Variants in TSPAN9 observed in about 807,000 individuals in gnomAD.
TSPAN9 encodes tetraspanin-9.
TSPAN9 carries 16 observed loss-of-function variants against 31.0 expected under a neutral mutation model. The ratio of observed to expected loss-of-function variants is 0.52; its 90% CI spans 0.35 to 0.78. TSPAN9 has a LOEUF of 0.78. TSPAN9 is among the 30% of genes least tolerant of loss of function. The pLI is 0.01. For synonymous variants in TSPAN9, 145 were observed against 121.6 expected (o/e 1.19, Z -1.27); for missense variants, 272 against 312.5 (o/e 0.87, Z 0.98).
chr12:3,233,285 A>C (rs148832201), intron 3 of TSPAN9, among the ~76,000 whole-genome samples: 23 of 152,364 alleles, frequency 1.5e-4, no homozygotes, highest in African/African-American at 5.5e-4. Flanking sequence ...TAAATACAAA[A>C]GAATACATGT....
intron 2 of TSPAN9, among the ~76,000 whole-genome samples, chr12:3,120,332 C>CCTGG (rs1397464542): frequency 6.6e-6 from 1 of 152,140 alleles, no homozygotes; most frequent in East Asian, 1.9e-4. Flanking sequence ...CTCTTTGGAA[C>CCTGG]CTGGCTGATT....
chr12:3,282,788 G>A (rs866736444), intron 8 of TSPAN9, among the ~76,000 whole-genome samples: 11 of 152,218 alleles, frequency 7.2e-5, no homozygotes, highest in African/African-American at 1.7e-4. Context: ...GTAGGCACAC[G>A]TATGCATCCT....
chr12:3,119,897 G>T (rs1479069749), intron 2 of TSPAN9, among the ~76,000 whole-genome samples: 1 of 152,100 alleles, frequency 6.6e-6, no homozygotes, highest in Non-Finnish European at 1.5e-5. Flanking sequence ...GGGCCTGGCC[G>T]CCAGCGCCCC....
intron 2 of TSPAN9, among the ~76,000 whole-genome samples, chr12:3,127,061 G>C (rs1452467319): frequency 3.3e-5 from 5 of 151,768 alleles, no homozygotes; most frequent in African/African-American, 1.2e-4. Flanking sequence ...AGGCTTGGTA[G>C]CATGTCCAAC....
intron 3 of TSPAN9, among the ~76,000 whole-genome samples, chr12:3,208,323 A>AT (rs2098376392): frequency 6.6e-6 from 1 of 152,020 alleles, no homozygotes; most frequent in African/African-American, 2.4e-5. Context: ...TGGGAGGGCC[A>AT]GGGGGGTTTC....
chr12:3,281,146 G>A, intron 6 of TSPAN9, 52 bp from the exon 7 acceptor site: 1 of 1,548,086 alleles, frequency 6.5e-7, no homozygotes, highest in South Asian at 1.2e-5. Context: ...CCCTGGGGAG[G>A]AAGGGGCGGG....
intron 3 of TSPAN9, among the ~76,000 whole-genome samples, chr12:3,260,571 C>T (rs150121417): frequency 6.6e-6 from 1 of 152,220 alleles, no homozygotes; most frequent in Non-Finnish European, 1.5e-5. Flanking sequence ...CTCTCGGGAT[C>T]CTACTCTACG....
At position 3,147,729 on chromosome 12, in the gene TSPAN9, G is replaced by T. The variant is rs2098337922; in HGVS notation, c.-17-53448G>T. On this transcript the variant is annotated intron_variant, in intron 2 of 8. Coordinates refer to ENST00000011898, the MANE Select transcript of TSPAN9 (RefSeq NM_006675.5). The surrounding 1 kb of genome is among the most constrained non-coding windows in gnomAD (Gnocchi z 4.3). Reference sequence around the variant, plus strand: ...GTTTTAACTTAAAATGGAAATGTAGGTGGCCACATGTTGCTAGTGGCTGCC... The same window carrying T: ...GTTTTAACTTAAAATGGAAATGTAGTTGGCCACATGTTGCTAGTGGCTGCC... Among the ~76,000 whole-genome samples, 1 of 152,314 alleles carries T rather than the reference G, an allele frequency of 6.6e-6. No individual in the cohort carries two copies. Among genetic ancestry groups the T allele is most frequent in the South Asian group, 2.1e-4 (1 of 4,826 alleles).
At chr12:3,199,166 G>A (rs2098369671) in intron 2 of TSPAN9, among the ~76,000 whole-genome samples, 2 of 152,184 alleles carry the variant, frequency 1.3e-5, no homozygotes, top group African/African-American at 4.8e-5. Context: ...GATCCAGGGA[G>A]GACTTTTCAC....
chr12:3,181,546 T>C (rs1262919438), intron 2 of TSPAN9, among the ~76,000 whole-genome samples: 1 of 152,178 alleles, frequency 6.6e-6, no homozygotes, highest in Non-Finnish European at 1.5e-5. Context: ...CAAGGCTGCC[T>C]GGTGACCTCT....
chr12:3,202,401 A>C (rs1159519172), intron 3 of TSPAN9, among the ~76,000 whole-genome samples: 1 of 152,168 alleles, frequency 6.6e-6, no homozygotes, highest in Non-Finnish European at 1.5e-5. Flanking sequence ...TTTTGTGTGG[A>C]GTGATCCACA....
At chr12:3,248,376 T>A (rs977863316) in intron 3 of TSPAN9, among the ~76,000 whole-genome samples, 1 of 152,214 alleles carries the variant, frequency 6.6e-6, no homozygotes, top group South Asian at 2.1e-4. Flanking sequence ...TTGGGGCTGC[T>A]GCTGTTTCTT....
chr12:3,092,121 A>G (rs1465642482), intron 2 of TSPAN9, among the ~76,000 whole-genome samples: 2 of 152,190 alleles, frequency 1.3e-5, no homozygotes, highest in African/African-American at 4.8e-5. Context: ...AAAAAACTGG[A>G]TAGAGCTCCT....
chr12:3,114,221 A>G (rs1267934955), intron 2 of TSPAN9, among the ~76,000 whole-genome samples: 2 of 152,212 alleles, frequency 1.3e-5, no homozygotes, highest in Non-Finnish European at 2.9e-5. Flanking sequence ...ACGTAAATGA[A>G]TGCAGCTGTG....
chr12:3,245,573 G>A (rs1328540925), intron 3 of TSPAN9, among the ~76,000 whole-genome samples: 17 of 152,278 alleles, frequency 1.1e-4, no homozygotes. Flanking sequence ...AACTGAGGAG[G>A]GAGAAGCCTG....
In TSPAN9 at chr12:3,243,641, G is replaced by A. The variant is rs531466751; in HGVS notation, c.64-34780G>A. Among the ~76,000 whole-genome samples the A allele has an allele frequency of 7.2e-5, 11 of 152,284 alleles. 1 individual carries two copies. Among genetic ancestry groups the A allele is most frequent in the Admixed American group, 2.0e-4 (3 of 15,302 alleles). ...GAGGTGGAGAAGCAGCCAGGCATCG[G>A]CCCTCCTGCTGTCACCCTCCCTGGC... On this transcript the variant is annotated intron_variant, in intron 3 of 8. Transcript: ENST00000011898.
chr12:3,118,745 G>A (rs991018291), intron 2 of TSPAN9, among the ~76,000 whole-genome samples: 2 of 152,160 alleles, frequency 1.3e-5, no homozygotes, highest in African/African-American at 4.8e-5. Flanking sequence ...TGTGAATTGG[G>A]CTTATGCTGA....
At chr12:3,205,412 G>A (rs933855812) in intron 3 of TSPAN9, among the ~76,000 whole-genome samples, 1 of 152,228 alleles carries the variant, frequency 6.6e-6, no homozygotes, top group African/African-American at 2.4e-5. Context: ...CAGGGCCCTC[G>A]CAGACGCTGG....
intron 1 of TSPAN9, among the ~76,000 whole-genome samples, chr12:3,081,838 G>GTATATATATATATATA (rs1456999682): frequency 3.2e-5 from 1 of 31,000 alleles, no homozygotes; most frequent in Non-Finnish European, 5.2e-5. Flanking sequence ...GTGTGTGTCT[G>GTATATATATATATATA]TGTGTGTATA....
Sources: gnomAD v4.1 joint callset for allele counts (sites outside exome capture counted in the v4.1 genomes callset) on GRCh38, gnomAD v4.1.1 for gene constraint, Gnocchi (gnomAD v3.1) non-coding constraint, MANE v1.5 for transcripts, NCBI Gene and HGNC (gene_info 2026-07-23, HGNC 2026-07-21) for gene names.